The following GRAMD2A variants were observed in gnomAD, a reference collection of about 807,000 sequenced individuals.
GRAMD2A encodes the protein GRAM domain-containing protein 2A.
GRAMD2A carries 37 observed loss-of-function variants against 51.1 expected under a neutral mutation model. That is an observed-to-expected ratio of 0.72 (90% CI 0.56 to 0.95). The LOEUF is 0.95. Among genes scored for constraint, GRAMD2A ranks in the 40% least tolerant of loss-of-function variants. The pLI is 0.00. For synonymous variants in GRAMD2A, 136 were observed against 157.1 expected (o/e 0.87, Z 1.01); for missense variants, 414 against 426.9 (o/e 0.97, Z 0.27).
chr15:72,166,536 G>T lies in GRAMD2A; in HGVS notation c.543+96C>A. 2 of 859,008 alleles carry T rather than the reference G, an allele frequency of 2.3e-6. No homozygotes were observed. The highest frequency in any genetic ancestry group is 2.4e-5 in the East Asian group (1 of 41,326). 53.2% of individuals were successfully genotyped at this position (859,008 alleles called of 1,614,324 possible). On this transcript the variant is annotated intron_variant, in intron 7 of 11. Coordinates refer to ENST00000309731, the MANE Select transcript of GRAMD2A (RefSeq NM_001012642.3). This position sits in a 1 kb window ranked among gnomAD's most constrained non-coding sequence, Gnocchi z 4.1. ...CCCCTCTCCCTGCCCCATTCCCTGT[G>T]CTGGAGAGATGGGCGACCTCCCCCA...
At chr15:72,168,464 A>C in intron 4 of GRAMD2A, 27 bp downstream of exon 4, 1 of 1,587,180 alleles carries the variant, frequency 6.3e-7, no homozygotes, top group Non-Finnish European at 8.7e-7. Context: ...CTGGGTGCCT[A>C]ACCAGCTATA....
chr15:72,161,841 C>T lies in GRAMD2A; in HGVS notation c.*168G>A. ...CTTTGTAAACACGTACTTCAGATCT[C>T]TCATAGAGGGAAGAGAAGAGCTGCG... On this transcript the variant is annotated 3_prime_UTR_variant, in exon 12 of 12. Transcript: ENST00000309731. The T allele has an allele frequency of 1.4e-6, 1 of 727,152 alleles. No individual in the cohort carries two copies. The highest frequency in any genetic ancestry group is 2.4e-6 in the Non-Finnish European group (1 of 412,340). The allele number at this position is 727,152 out of a possible 1,614,324, so 45.0% of individuals were successfully genotyped here.
chr15:72,186,648 C>T (rs751076305), intron 1 of GRAMD2A, among the ~76,000 whole-genome samples: 2 of 152,066 alleles, frequency 1.3e-5, no homozygotes, highest in African/African-American at 2.4e-5. Flanking sequence ...TTTAACCCAA[C>T]AATTCCCTTT....
At chr15:72,162,575 GTGTCCTTACAGC>G (rs2081490774) in intron 10 of GRAMD2A, among the ~76,000 whole-genome samples, 198 bp from the exon 11 acceptor site, 1 of 152,180 alleles carries the variant, frequency 6.6e-6, no homozygotes, top group Admixed American at 6.5e-5. Context: ...CCCCATGGAA[GTGTCCTTACAGC>G]CCAGCTAGAG....
intron 1 of GRAMD2A, among the ~76,000 whole-genome samples, chr15:72,192,699 T>C (rs893311906): frequency 4.2e-4 from 64 of 152,356 alleles, no homozygotes; most frequent in African/African-American, 1.5e-3. Context: ...TCATGTTTGA[T>C]TTAAACTAAT....
chr15:72,164,415 T>TA (rs993616665), intron 8 of GRAMD2A, among the ~76,000 whole-genome samples: 17 of 151,264 alleles, frequency 1.1e-4, no homozygotes, highest in African/African-American at 3.1e-4. Context: ...TCTTTTATTT[T>TA]TTTTTTTTTT....
At chr15:72,169,464 C>A (rs544613409) in intron 2 of GRAMD2A, 5 of 520,550 alleles carry the variant, frequency 9.6e-6, no homozygotes, top group Middle Eastern at 6.0e-4. Flanking sequence ...GACTGCCCTC[C>A]CTGCCGCCTC....
chr15:72,179,936 C>T (rs986555124), intron 1 of GRAMD2A, among the ~76,000 whole-genome samples: 9 of 152,190 alleles, frequency 5.9e-5, no homozygotes, highest in Non-Finnish European at 1.0e-4. Context: ...GAACCAGCCG[C>T]GGCAAGGCCC....
rs1567080577 is a variant in GRAMD2A at position 72,163,729 on chromosome 15, C to G, written c.629G>C (p.Arg210Thr). The G allele has an allele frequency of 6.2e-7, 1 of 1,609,296 alleles. No individual in the cohort carries two copies. The highest frequency in any genetic ancestry group is 2.2e-5 in the East Asian group (1 of 44,868). Reference sequence around the variant, plus strand: ...GGACCTGGAGGAAGGGCATACCTTTCTCCACTTCATCTCAGGGATGAGGAC... The same window carrying G: ...GGACCTGGAGGAAGGGCATACCTTTGTCCACTTCATCTCAGGGATGAGGAC... The part of the protein sequence containing the change: ...LEVLIPEMKW[R>T]KVCPSSRSLS... Residue 210 changes from arginine (R) to threonine (T), a missense_variant, in exon 9 of 12, where the codon AGA becomes ACA. Coordinates refer to ENST00000309731, the MANE Select transcript of GRAMD2A (RefSeq NM_001012642.3).
Position 72,161,935 on chromosome 15 carries a change from G to T in GRAMD2A, c.*74C>A. 6.6e-7 allele frequency: 1 copy of T among 1,510,018 alleles called. No individual in the cohort carries two copies. The highest frequency in any genetic ancestry group is 9.2e-7 in the Non-Finnish European group (1 of 1,085,114). The allele number at this position is 1,510,018 out of a possible 1,614,324, so 93.5% of individuals were successfully genotyped here. On this transcript the variant is annotated 3_prime_UTR_variant, in exon 12 of 12. Coordinates refer to ENST00000309731, the MANE Select transcript of GRAMD2A (RefSeq NM_001012642.3). The stretch of plus-strand genomic sequence containing the variant: ...TAGCACAGCAGCAGCATAAACCACA[G>T]GGATCATTGGTGGAGACTTAGCACC...
Position 72,163,301 on chromosome 15 carries a change from G to C in GRAMD2A, c.921C>G (p.Leu307=). The C allele has an allele frequency of 6.2e-7, 1 of 1,614,084 alleles. No individual in the cohort carries two copies. The highest frequency in any genetic ancestry group is 8.5e-7 in the Non-Finnish European group (1 of 1,179,968). The change falls in exon 10 of 12, where the codon CTC becomes CTG. Residue 307 remains leucine, a synonymous_variant. Transcript: ENST00000309731. ...EEPRSTGELR[L]WDYRLLKVFF... is the part of the protein sequence containing the mutation. ...AGACCTTGAGGAGCCGGTAATCCCA[G>C]AGCCTCAGCTCCCCAGTGCTCCTGG...
chr15:72,174,070 C>A (rs539517527), intron 1 of GRAMD2A: 11 of 152,100 alleles, frequency 7.2e-5, no homozygotes, highest in Non-Finnish European at 1.5e-4. Context: ...GCTCAGAGAC[C>A]CTGCCTATGG....
intron 1 of GRAMD2A, among the ~76,000 whole-genome samples, chr15:72,185,761 TA>T (rs1341520535): frequency 6.6e-6 from 1 of 152,220 alleles, no homozygotes; most frequent in Non-Finnish European, 1.5e-5. Context: ...GAGAATTTAG[TA>T]TAGCATGAAG....
At chr15:72,189,065 C>A (rs2081751582) in intron 1 of GRAMD2A, among the ~76,000 whole-genome samples, 1 of 152,118 alleles carries the variant, frequency 6.6e-6, no homozygotes, top group African/African-American at 2.4e-5. Flanking sequence ...ATTCAGGCCA[C>A]TTTGCCTGAA....
At position 72,166,744 on chromosome 15, in the gene GRAMD2A, G is replaced by T; in HGVS notation, c.472-41C>A. ...AAAACAGACAGGGGTAGGGTGAGAT[G>T]AGACTCCTTGCTGTGCCAGCCAGCC... On this transcript the variant is annotated intron_variant, in intron 6 of 11. Transcript: ENST00000309731. This position sits in a 1 kb window ranked among gnomAD's most constrained non-coding sequence, Gnocchi z 4.1. 1.3e-6 allele frequency: 2 copies of T among 1,541,052 alleles called. No homozygotes were observed.
intron 10 of GRAMD2A, 44 bp downstream of exon 10, chr15:72,163,222 G>T: frequency 1.5e-6 from 2 of 1,335,612 alleles, no homozygotes; most frequent in South Asian, 1.2e-5. Flanking sequence ...CAAGCACCTA[G>T]ACATGCAGGT....
At position 72,162,292 on chromosome 15, in the gene GRAMD2A, C is replaced by A; in HGVS notation, c.1042G>T (p.Asp348Tyr). Reference sequence around the variant, plus strand: ...CCTCACCTGTGCCCAGGGACTGGGTCATCCCAACTCAAGGAGCATAACTGC... The same window carrying A: ...CCTCACCTGTGCCCAGGGACTGGGTAATCCCAACTCAAGGAGCATAACTGC... ...EQQLCSLSWD[D>Y]PVPGHR The change falls in exon 11 of 12, where the codon GAC becomes TAC. Residue 348 changes from aspartate (D) to tyrosine (Y), a missense_variant. Physicochemically the swap from Asp to Tyr is radical, Grantham distance 160. Transcript: ENST00000309731. The A allele has an allele frequency of 6.2e-7, 1 of 1,613,452 alleles. No individual in the cohort carries two copies. Among genetic ancestry groups the A allele is most frequent in the South Asian group, 1.1e-5 (1 of 91,030 alleles).
chr15:72,172,524 C>G (rs1191155923), intron 1 of GRAMD2A, among the ~76,000 whole-genome samples: 1 of 150,894 alleles, frequency 6.6e-6, no homozygotes, highest in Non-Finnish European at 1.5e-5. Context: ...TCAAGTGATT[C>G]TCATGCCTCA....
At chr15:72,194,683 TTTA>T (rs910214161) in intron 1 of GRAMD2A, among the ~76,000 whole-genome samples, 35 of 151,664 alleles carry the variant, frequency 2.3e-4, no homozygotes, top group African/African-American at 8.5e-4. Context: ...TTCTTTATTA[TTTA>T]TTATTATTAT....
Sources: gnomAD v4.1 joint callset for allele counts (sites outside exome capture counted in the v4.1 genomes callset) on GRCh38, gnomAD v4.1.1 for gene constraint, Gnocchi (gnomAD v3.1) non-coding constraint, MANE v1.5 for transcripts, NCBI Gene and HGNC (gene_info 2026-07-23, HGNC 2026-07-21) for gene names.